The following PKHD1 variants were observed in gnomAD, a reference collection of about 807,000 sequenced individuals.
PKHD1 encodes PKHD1 ciliary IPT domain containing fibrocystin/polyductin.
A neutral mutation model predicts 412.0 loss-of-function variants in PKHD1; 291 were observed. The observed-to-expected ratio is 0.71, with a 90% CI of 0.64 to 0.78. PKHD1 has a LOEUF of 0.78. Among genes scored for constraint, PKHD1 ranks in the 30% least tolerant of loss-of-function variants. The probability of loss-of-function intolerance (pLI) is 0.00; values close to 1 mark genes in which losing one functional copy is unlikely to be tolerated. For synonymous variants in PKHD1, 1,777 were observed against 1,821.5 expected, an observed-to-expected ratio of 0.98 and a Z score of 0.62; for missense variants, 4,825 against 4,950.7, an observed-to-expected ratio of 0.97 and a Z score of 0.76.
chr6:51,914,000 T>C (rs1340711169), intron 37 of PKHD1, among the ~76,000 whole-genome samples: 1 of 152,072 alleles, frequency 6.6e-6, no homozygotes, highest in African/African-American at 2.4e-5. Context: ...TGTATATGCA[T>C]ATATATGTGA....
chr6:51,785,197 C>G (rs914954593), intron 53 of PKHD1, among the ~76,000 whole-genome samples: 1 of 152,096 alleles, frequency 6.6e-6, no homozygotes, highest in Non-Finnish European at 1.5e-5. Flanking sequence ...ACAAAGGAAA[C>G]TTTGGAAAAT....
At chr6:51,959,835 T>C in intron 36 of PKHD1, 35 bp downstream of exon 36, 1 of 1,577,444 alleles carries the variant, frequency 6.3e-7, no homozygotes, top group Non-Finnish European at 8.7e-7. Flanking sequence ...TATAATCATA[T>C]AGAATAATAT....
intron 52 of PKHD1, among the ~76,000 whole-genome samples, chr6:51,812,777 C>A (rs1456847629): frequency 6.6e-6 from 1 of 152,124 alleles, no homozygotes; most frequent in Non-Finnish European, 1.5e-5. Context: ...AGTCTAGTAC[C>A]TTTCAAATGT....
chr6:51,994,138 CTT>C (rs34571890), intron 35 of PKHD1, among the ~76,000 whole-genome samples: 9 of 143,860 alleles, frequency 6.3e-5, no homozygotes, highest in African/African-American at 1.0e-4. Context: ...TTTTTTCTTT[CTT>C]TTTTTTTTTT....
chr6:51,998,872 T>C (rs1045471713), intron 35 of PKHD1, among the ~76,000 whole-genome samples: 4 of 152,216 alleles, frequency 2.6e-5, no homozygotes, highest in African/African-American at 9.6e-5. Flanking sequence ...TACATTTATG[T>C]TGGCTCCATG....
At chr6:51,647,461 A>T (rs1284527840) in intron 63 of PKHD1, among the ~76,000 whole-genome samples, 1 of 152,148 alleles carries the variant, frequency 6.6e-6, no homozygotes, top group African/African-American at 2.4e-5. Context: ...AAGTAAGTGG[A>T]GCTGGCAGTG....
At chr6:51,761,635 T>A (rs1788032469) in intron 55 of PKHD1, among the ~76,000 whole-genome samples, 1 of 152,074 alleles carries the variant, frequency 6.6e-6, no homozygotes, top group South Asian at 2.1e-4. Context: ...AATACATATG[T>A]TAATTATGTA....
chr6:52,070,486 C>T (rs372672137), intron 9 of PKHD1, 41 bp from the exon 10 acceptor site: 64 of 1,509,338 alleles, frequency 4.2e-5, no homozygotes, highest in African/African-American at 4.1e-4. Flanking sequence ...GGAATCTGCA[C>T]GAGTCTTCTG....
intron 60 of PKHD1, among the ~76,000 whole-genome samples, chr6:51,704,363 G>A (rs1024850008): frequency 6.6e-6 from 1 of 152,028 alleles, no homozygotes; most frequent in Non-Finnish European, 1.5e-5. Context: ...CCAATGAACT[G>A]AGATTTTCTT....
At chr6:51,934,435 C>CT in intron 36 of PKHD1, 113 bp from the exon 37 acceptor site, 2 of 741,710 alleles carry the variant, frequency 2.7e-6, no homozygotes, top group Non-Finnish European at 4.9e-6. Context: ...GGAATGTAGA[C>CT]TTATTTTATC....
rs186105785 is a variant in PKHD1, at chr6:51,639,826, G to C, written c.11399-870C>G. On this transcript the variant is annotated intron_variant, in intron 63 of 66. Transcript: ENST00000371117. The stretch of plus-strand genomic sequence containing the variant: ...AAGTGGTCTGAAAGTTTATAGATTG[G>C]TTTGAGATCTCTAAGGCTGAAATGT... 2.0e-5 allele frequency among the ~76,000 whole-genome samples: 3 copies of C among 152,254 alleles called. No homozygotes were observed. In the East Asian group the frequency reaches 5.8e-4, roughly 29 times the overall value.
intron 35 of PKHD1, 35 bp downstream of exon 35, chr6:52,010,274 G>A: frequency 2.5e-6 from 4 of 1,591,254 alleles, no homozygotes; most frequent in Non-Finnish European, 3.4e-6. Context: ...AATTTGAGCT[G>A]TTTGAATCAG....
intron 48 of PKHD1, among the ~76,000 whole-genome samples, chr6:51,860,389 A>G (rs1348357947): frequency 6.6e-6 from 1 of 152,234 alleles, no homozygotes; most frequent in Non-Finnish European, 1.5e-5. Flanking sequence ...GAACATCAAG[A>G]GTCCAAAAAA....
chr6:51,734,831 A>G (rs977908223), intron 60 of PKHD1, among the ~76,000 whole-genome samples: 1 of 152,190 alleles, frequency 6.6e-6, no homozygotes, highest in Non-Finnish European at 1.5e-5. Flanking sequence ...CTTATTAGGT[A>G]TTATAAGTAA....
At chr6:51,969,862 A>G (rs891112132) in intron 35 of PKHD1, among the ~76,000 whole-genome samples, 5 of 152,186 alleles carry the variant, frequency 3.3e-5, no homozygotes, top group East Asian at 1.9e-4. Context: ...GGTTGATTCC[A>G]TATCTTTGCT....
At chr6:51,976,071 G>A (rs1367602830) in intron 35 of PKHD1, 1 of 151,094 alleles carries the variant, frequency 6.6e-6, no homozygotes, top group Non-Finnish European at 1.5e-5. Context: ...GTAAAATGGT[G>A]CAATCACAGG....
intron 60 of PKHD1, among the ~76,000 whole-genome samples, chr6:51,703,462 A>T (rs1779680515): frequency 6.6e-6 from 1 of 151,972 alleles, no homozygotes; most frequent in Admixed American, 6.6e-5. Context: ...TAGTTAATGG[A>T]GAACTTCCCC....
chr6:51,755,699 G>C (rs906035629), intron 55 of PKHD1, among the ~76,000 whole-genome samples: 27 of 152,162 alleles, frequency 1.8e-4, no homozygotes, highest in Non-Finnish European at 3.5e-4. Context: ...TTAATTGCCT[G>C]CTTCATTAGC....
intron 49 of PKHD1, among the ~76,000 whole-genome samples, chr6:51,852,720 A>G (rs1583036846): frequency 6.9e-6 from 1 of 145,104 alleles, no homozygotes; most frequent in South Asian, 2.2e-4. Context: ...AGAGACTAGG[A>G]TTGCAAACCC....
Sources: gnomAD v4.1 joint callset for allele counts (sites outside exome capture counted in the v4.1 genomes callset) on GRCh38, gnomAD v4.1.1 for gene constraint, MANE v1.5 for transcripts, NCBI Gene and HGNC (gene_info 2026-07-23, HGNC 2026-07-21) for gene names.